The following NIF3L1 variants were observed in gnomAD, a reference collection of about 807,000 sequenced individuals.
NIF3L1 encodes NIF3-like protein 1.
NIF3L1 carries 26 observed loss-of-function variants against 35.0 expected under a neutral mutation model. The ratio of observed to expected loss-of-function variants is 0.74; its 90% confidence interval spans 0.54 to 1.03. The LOEUF is 1.03. Ranked by LOEUF, NIF3L1 falls within the 50% of genes least tolerant of loss-of-function variation. The pLI, the probability that NIF3L1 is intolerant of heterozygous loss-of-function variation, is 0.00. For missense variants in NIF3L1, 449 were observed against 466.3 expected (o/e 0.96, Z 0.34); for synonymous variants, 157 against 178.9 (o/e 0.88, Z 0.98).
intron 4 of NIF3L1, 46 bp from the exon 5 acceptor site, chr2:200,897,030 T>G (rs1380609240): frequency 6.3e-7 from 1 of 1,595,334 alleles, no homozygotes; most frequent in Non-Finnish European, 8.6e-7. Context: ...ATTTGTTGTT[T>G]TAGGACTAAC....
In NIF3L1 at chr2:200,903,804, G is replaced by C. The variant is rs2040452392; in HGVS notation, c.*126G>C. 1.3e-6 allele frequency: 1 copy of C among 766,058 alleles called. No homozygotes were observed. Among genetic ancestry groups the C allele is most frequent in the Non-Finnish European group, 2.3e-6 (1 of 434,014 alleles). The allele number at this position is 766,058 out of a possible 1,614,324, so 47.5% of individuals were successfully genotyped here. A position where few individuals can be genotyped will look rare whatever the true frequency, so the allele number is the denominator to read the frequency against. On this transcript the variant is annotated 3_prime_UTR_variant, in exon 7 of 7. Transcript: ENST00000409020. ...TCGAGGGTATCATCATTTCCGGTTT[G>C]TTAATCTTATTCACCAAATGTTCTA...
At chr2:200,895,127 C>T in intron 3 of NIF3L1, 137 bp from the exon 4 acceptor site, 1 of 789,478 alleles carries the variant, frequency 1.3e-6, no homozygotes, top group Non-Finnish European at 2.1e-6. Context: ...GGATTAGTTT[C>T]AGATTAAATG....
chr2:200,889,371 G>A lies in NIF3L1; in HGVS notation c.-308G>A. 3.4e-6 allele frequency: 1 copy of A among 293,278 alleles called. No individual in the cohort carries two copies. Among genetic ancestry groups the A allele is most frequent in the South Asian group, 3.0e-5 (1 of 33,278 alleles). The allele number at this position is 293,278 out of a possible 1,614,324, so 18.2% of individuals were successfully genotyped here. A position where few individuals can be genotyped will look rare whatever the true frequency, so the allele number is the denominator to read the frequency against. On this transcript the variant is annotated 5_prime_UTR_variant, in exon 1 of 7. Transcript: ENST00000409020. The stretch of plus-strand genomic sequence containing the variant: ...GCGCCGACGCGGGACCGGAAGTGAC[G>A]CAGAGAAGTTTCCGGGACTGGTGAG...
At position 200,903,635 on chromosome 2, in the gene NIF3L1, TTATCC is replaced by T. The variant is rs2040447333; in HGVS notation, c.1096_1100del (p.Leu366ArgfsTer3). On this transcript the variant is annotated frameshift_variant, in exon 7 of 7. Transcript: ENST00000409020. LOFTEE classifies it high-confidence loss of function. Reference sequence around the variant, plus strand: ...TCTCACTTGGAGAATAAGATAAATATTATCCTATCAGAGACTGACAGGGACCCTCT... The same window carrying T: ...TCTCACTTGGAGAATAAGATAAATATTATCAGAGACTGACAGGGACCCTCT... 1.2e-6 allele frequency: 2 copies of T among 1,613,948 alleles called. No homozygotes were observed. Among genetic ancestry groups the T allele is most frequent in the Non-Finnish European group, 1.7e-6 (2 of 1,179,834 alleles).
chr2:200,891,790 G>T (rs892178204), intron 1 of NIF3L1, 128 bp from the exon 2 acceptor site: 5 of 624,188 alleles, frequency 8.0e-6, no homozygotes, highest in Non-Finnish European at 1.4e-5. Flanking sequence ...CAGTGTGCTG[G>T]TAAGTGGCAG....
intron 6 of NIF3L1, 114 bp from the exon 7 acceptor site, chr2:200,903,380 C>T: frequency 1.3e-6 from 1 of 787,876 alleles, no homozygotes; most frequent in South Asian, 1.6e-5. Flanking sequence ...AACAGTTCTG[C>T]TCTATTACAT....
At position 200,894,328 on chromosome 2, in the gene NIF3L1, C is replaced by T. The variant is rs564395852; in HGVS notation, c.599+920C>T. Among the ~76,000 whole-genome samples, 14 of 152,246 alleles carry T rather than the reference C, an allele frequency of 9.2e-5. No homozygotes were observed. The South Asian group carries it at 2.9e-3, about 32-fold the overall frequency. Reference sequence around the variant, plus strand: ...TTTAAAAAAATTCATTTTGCCCCAGCCCCATTTGTAGATGTTCTGTTCACT... The same window carrying T: ...TTTAAAAAAATTCATTTTGCCCCAGTCCCATTTGTAGATGTTCTGTTCACT... On this transcript the variant is annotated intron_variant, in intron 3 of 6. Coordinates refer to ENST00000409020, the MANE Select transcript of NIF3L1 (RefSeq NM_001369441.2).
At chr2:200,893,089 G>C (rs1240585993) in intron 2 of NIF3L1, among the ~76,000 whole-genome samples, 157 bp from the exon 3 acceptor site, 1 of 152,192 alleles carries the variant, frequency 6.6e-6, no homozygotes, top group East Asian at 1.9e-4. Context: ...TATGGGGACT[G>C]GTGATGTATA....
rs781468537 is a variant in NIF3L1 at position 200,903,762 on chromosome 2, G to C, written c.*84G>C. 6 of 1,091,074 alleles carry C rather than the reference G, an allele frequency of 5.5e-6. No homozygotes were observed. In the African/African-American group the frequency reaches 9.3e-5, roughly 17 times the overall value. 67.6% of individuals were successfully genotyped at this position (1,091,074 alleles called of 1,614,324 possible). A position where few individuals can be genotyped will look rare whatever the true frequency, so the allele number is the denominator to read the frequency against. On this transcript the variant is annotated 3_prime_UTR_variant, in exon 7 of 7. Coordinates refer to ENST00000409020, the MANE Select transcript of NIF3L1 (RefSeq NM_001369441.2). ...TAACATGAGTCAGTGGGACTGGTGT[G>C]CTTCCAGAGAGTGTCTTCGAGGGTA...
intron 5 of NIF3L1, chr2:200,898,886 C>G (rs1311517298): frequency 2.0e-5 from 3 of 152,230 alleles, no homozygotes; most frequent in Non-Finnish European, 4.4e-5. Context: ...ATAGTACTTG[C>G]TTACCTCTCA....
intron 2 of NIF3L1, among the ~76,000 whole-genome samples, chr2:200,892,652 C>T (rs1489901037): frequency 6.6e-6 from 1 of 152,188 alleles, no homozygotes; most frequent in Non-Finnish European, 1.5e-5. Context: ...GCCTGTCACC[C>T]AGGCACTTGG....
At chr2:200,902,019 T>G (rs986469846) in intron 6 of NIF3L1, among the ~76,000 whole-genome samples, 2 of 152,178 alleles carry the variant, frequency 1.3e-5, no homozygotes, top group African/African-American at 4.8e-5. Context: ...TGACACTTAT[T>G]AGGAGGAGAT....
intron 3 of NIF3L1, among the ~76,000 whole-genome samples, chr2:200,894,897 C>T (rs370041435): frequency 6.6e-6 from 1 of 152,050 alleles, no homozygotes; most frequent in Non-Finnish European, 1.5e-5. Flanking sequence ...GATGCACAAT[C>T]GGGATTGAGA....
At chr2:200,899,094 G>A (rs1009087193) in intron 5 of NIF3L1, 3 of 278,414 alleles carry the variant, frequency 1.1e-5, no homozygotes, top group African/African-American at 4.4e-5. Flanking sequence ...AAGATTACAC[G>A]CAAATTTGTG....
chr2:200,893,736 C>T (rs1403379354), intron 3 of NIF3L1, among the ~76,000 whole-genome samples: 1 of 152,138 alleles, frequency 6.6e-6, no homozygotes, highest in Non-Finnish European at 1.5e-5. Context: ...GGTGATAAGG[C>T]TTTTATTGGT....
At position 200,903,810 on chromosome 2, in the gene NIF3L1, C is replaced by G. The variant is rs150758415; in HGVS notation, c.*132C>G. ...GTATCATCATTTCCGGTTTGTTAAT[C>G]TTATTCACCAAATGTTCTATCGCTC... On this transcript the variant is annotated 3_prime_UTR_variant, in exon 7 of 7. Coordinates refer to ENST00000409020, the MANE Select transcript of NIF3L1 (RefSeq NM_001369441.2). 135 of 734,646 alleles carry G rather than the reference C, an allele frequency of 1.8e-4. No individual in the cohort carries two copies. In the East Asian group the frequency reaches 3.5e-3, roughly 19 times the overall value. The allele number at this position is 734,646 out of a possible 1,614,324, so 45.5% of individuals were successfully genotyped here.
At chr2:200,892,598 C>A (rs1402662271) in intron 2 of NIF3L1, among the ~76,000 whole-genome samples, 1 of 152,144 alleles carries the variant, frequency 6.6e-6, no homozygotes, top group Non-Finnish European at 1.5e-5. Context: ...AGAAGTCTTC[C>A]TTACTGGACT....
rs560352682 is a variant in NIF3L1 at position 200,902,171 on chromosome 2, A to G, written c.950-1323A>G. 3.9e-5 allele frequency among the ~76,000 whole-genome samples: 6 copies of G among 152,348 alleles called. No individual in the cohort carries two copies. The South Asian group carries it at 1.2e-3, about 32-fold the overall frequency. ...TTTATATGCCCTTCTGTCTCTAAATACAGTTCAAAATTGTACTTTTTAAAG... is the reference window on the plus strand; with the variant it reads ...TTTATATGCCCTTCTGTCTCTAAATGCAGTTCAAAATTGTACTTTTTAAAG... On this transcript the variant is annotated intron_variant, in intron 6 of 6. Coordinates refer to ENST00000409020, the MANE Select transcript of NIF3L1 (RefSeq NM_001369441.2).
rs564627742 is a variant in NIF3L1 at position 200,892,091 on chromosome 2, G to A, written c.148G>A (p.Asp50Asn). 2.5e-6 allele frequency: 4 copies of A among 1,614,174 alleles called. No individual in the cohort carries two copies. In the South Asian group the frequency reaches 4.4e-5, roughly 18 times the overall value. Residue 50 changes from aspartate to asparagine, a missense_variant, in exon 2 of 7, where the codon GAC becomes AAC. Asp to Asn is a conservative substitution (Grantham distance 23). Coordinates refer to ENST00000409020, the MANE Select transcript of NIF3L1 (RefSeq NM_001369441.2). ...ATCCCTCTCGTTTGCTGAGAGTTGGGACAATGTTGGATTACTGGTGGAACC... is the reference window on the plus strand; with the variant it reads ...ATCCCTCTCGTTTGCTGAGAGTTGGAACAATGTTGGATTACTGGTGGAACC... Reference protein sequence around the residue: ...FASLSFAESWDNVGLLVEPSP... With the variant: ...FASLSFAESWNNVGLLVEPSP...
Sources: gnomAD v4.1 joint callset for allele counts (sites outside exome capture counted in the v4.1 genomes callset) on GRCh38, gnomAD v4.1.1 for gene constraint, MANE v1.5 for transcripts, NCBI Gene and HGNC (gene_info 2026-07-23, HGNC 2026-07-21) for gene names.